The following CMSS1 variants were observed in gnomAD, a reference collection of about 807,000 sequenced individuals.
The protein encoded by CMSS1 is cms1 ribosomal small subunit homolog, also known as protein CMSS1.
A neutral mutation model predicts 43.5 loss-of-function variants in CMSS1; 33 were observed. That is an observed-to-expected ratio of 0.76 (90% confidence interval 0.57 to 1.01). CMSS1 has a LOEUF of 1.01. Ranked by LOEUF, CMSS1 falls within the 50% of genes least tolerant of loss-of-function variation. The pLI, the probability that CMSS1 is intolerant of heterozygous loss-of-function variation, is 0.00. For synonymous variants in CMSS1, 115 were observed against 117.2 expected, an observed-to-expected ratio of 0.98 and a Z score of 0.12; for missense variants, 313 against 326.4, an observed-to-expected ratio of 0.96 and a Z score of 0.32.
chr3:100,039,063 C>T (rs572639311), intron 1 of CMSS1, among the ~76,000 whole-genome samples: 1 of 152,250 alleles, frequency 6.6e-6, no homozygotes, highest in African/African-American at 2.4e-5. Flanking sequence ...GTTGGAAAAA[C>T]TCCTAAATTT....
chr3:99,989,161 A>G (rs1422632883), intron 1 of CMSS1, among the ~76,000 whole-genome samples: 2 of 152,232 alleles, frequency 1.3e-5, no homozygotes, highest in Non-Finnish European at 2.9e-5. Context: ...TGACATGGGT[A>G]TTATAATTTT....
At chr3:100,032,084 A>C (rs555280960) in intron 1 of CMSS1, among the ~76,000 whole-genome samples, 1 of 152,350 alleles carries the variant, frequency 6.6e-6, no homozygotes, top group African/African-American at 2.4e-5. Context: ...CTAGCCCATT[A>C]GCCATAGTTT....
chr3:99,955,696 T>C (rs938230282), intron 1 of CMSS1, among the ~76,000 whole-genome samples: 3 of 152,226 alleles, frequency 2.0e-5, no homozygotes, highest in African/African-American at 7.2e-5. Context: ...GCATTGATGA[T>C]GAAGATCCTT....
chr3:100,044,911 A>G (rs997082317), intron 1 of CMSS1, among the ~76,000 whole-genome samples: 1 of 152,212 alleles, frequency 6.6e-6, no homozygotes, highest in Non-Finnish European at 1.5e-5. Flanking sequence ...ATTGCAGAAT[A>G]GTAGTGTCTC....
chr3:99,972,498 A>G (rs1330654886), intron 1 of CMSS1, among the ~76,000 whole-genome samples: 1 of 152,218 alleles, frequency 6.6e-6, no homozygotes, highest in African/African-American at 2.4e-5. Flanking sequence ...TATTATAATA[A>G]TAACAGATTG....
intron 1 of CMSS1, among the ~76,000 whole-genome samples, chr3:100,043,614 C>A (rs748633434): frequency 2.9e-4 from 44 of 152,128 alleles, no homozygotes; most frequent in Non-Finnish European, 5.7e-4. Context: ...GACATGGAGA[C>A]TTGAGAAATT....
At chr3:99,942,230 C>T (rs1433823862) in intron 1 of CMSS1, among the ~76,000 whole-genome samples, 3 of 151,478 alleles carry the variant, frequency 2.0e-5, no homozygotes, top group South Asian at 2.1e-4. Context: ...TACTGTTAAT[C>T]TTATTAGATG....
rs1326472403 is a variant in CMSS1, at chr3:99,977,898, A to G, written c.64+159855A>G. 3.3e-5 allele frequency among the ~76,000 whole-genome samples: 5 copies of G among 152,296 alleles called. No individual in the cohort carries two copies. In the East Asian group the frequency reaches 5.8e-4, roughly 18 times the overall value. ...CCAGTTCAAAGCACATAATATGCAT[A>G]TATACACCATTAACCTAAAAGAAAA... On this transcript the variant is annotated intron_variant, in intron 1 of 9. Transcript: ENST00000421999.
chr3:99,844,531 C>T (rs894584176), intron 1 of CMSS1, among the ~76,000 whole-genome samples: 6 of 152,298 alleles, frequency 3.9e-5, no homozygotes, highest in African/African-American at 1.4e-4. Context: ...AGGAGACTCA[C>T]TTTGTAAATA....
intron 1 of CMSS1, among the ~76,000 whole-genome samples, chr3:99,950,698 C>T (rs1708150598): frequency 6.6e-6 from 1 of 152,176 alleles, no homozygotes; most frequent in Non-Finnish European, 1.5e-5. Context: ...CCACGATTCT[C>T]TTTACACGTT....
intron 1 of CMSS1, among the ~76,000 whole-genome samples, chr3:100,104,113 G>A (rs2066355199): frequency 6.6e-6 from 1 of 152,184 alleles, no homozygotes; most frequent in Admixed American, 6.5e-5. Flanking sequence ...TGCTCTCTGT[G>A]TGTGTTTGGA....
intron 1 of CMSS1, among the ~76,000 whole-genome samples, chr3:100,022,040 T>C (rs2064835559): frequency 6.6e-6 from 1 of 151,664 alleles, no homozygotes. Context: ...CATTTCCTTT[T>C]TCCATAAAGC....
rs116080879 is a variant in CMSS1 at position 100,047,281 on chromosome 3, A to G, written c.65-99692A>G. Among the ~76,000 whole-genome samples, 431 of 152,330 alleles carry G rather than the reference A, an allele frequency of 2.8e-3. 1 individual carries two copies. Among genetic ancestry groups the G allele is most frequent in the African/African-American group, 9.2e-3 (381 of 41,582 alleles). On this transcript the variant is annotated intron_variant, in intron 1 of 9. Transcript: ENST00000421999. ...TATATCTTTAAACATTTTTAGAAGA[A>G]AAAAAGGTTTTGAATTCCTTGAAGA...
In CMSS1 at chr3:100,171,870, G is replaced by T; in HGVS notation, c.550G>T (p.Val184Phe). The T allele has an allele frequency of 1.2e-6, 2 of 1,613,936 alleles. No individual in the cohort carries two copies. The highest frequency in any genetic ancestry group is 4.5e-5 in the East Asian group (2 of 44,868). ...SMTAFRGDGK[V>F]IKLFAKHIKV... ...GACAGCATTCAGAGGAGACGGCAAAGTTATAAAATTATTTGCAAAGCACAT... is the reference window on the plus strand; with the variant it reads ...GACAGCATTCAGAGGAGACGGCAAATTTATAAAATTATTTGCAAAGCACAT... The change falls in exon 7 of 10, where the codon GTT (valine) becomes TTT (phenylalanine). Residue 184 changes from valine to phenylalanine, a missense_variant. By Grantham distance (50) the Val-to-Phe change is conservative. Transcript: ENST00000421999.
rs558855699 is a variant in CMSS1 at position 99,886,413 on chromosome 3, G to GA, written c.64+68381dup. ...ACTTAACACTAATGATACCTGATGA[G>GA]AAAAAAAAAAATCGGAAAAAAAAAA... On this transcript the variant is annotated intron_variant, in intron 1 of 9. Transcript: ENST00000421999. Among the ~76,000 whole-genome samples, 616 of 142,626 alleles carry GA rather than the reference G, an allele frequency of 4.3e-3. 1 individual carries two copies. The highest frequency in any genetic ancestry group is 0.01 in the South Asian group (47 of 4,534). The allele number at this position is 142,626 out of a possible 152,430, so 93.6% of individuals were successfully genotyped here. A position where few individuals can be genotyped will look rare whatever the true frequency, so the allele number is the denominator to read the frequency against.
intron 1 of CMSS1, among the ~76,000 whole-genome samples, chr3:99,844,319 G>A (rs1943266567): frequency 6.6e-6 from 1 of 152,146 alleles, no homozygotes; most frequent in Non-Finnish European, 1.5e-5. Flanking sequence ...TCTCACACAG[G>A]TATCTTGGAT....
intron 1 of CMSS1, among the ~76,000 whole-genome samples, chr3:100,030,413 T>A (rs1271444492): frequency 6.6e-6 from 1 of 152,192 alleles, no homozygotes; most frequent in Non-Finnish European, 1.5e-5. Flanking sequence ...ACTCTAATTG[T>A]AATGAGTATT....
chr3:100,005,073 A>G (rs1709950367), intron 1 of CMSS1, among the ~76,000 whole-genome samples: 1 of 152,244 alleles, frequency 6.6e-6, no homozygotes. Flanking sequence ...CCAGAAAGCC[A>G]GTAAAGGTTC....
chr3:99,989,788 T>C (rs1393874581), intron 1 of CMSS1, among the ~76,000 whole-genome samples: 3 of 152,020 alleles, frequency 2.0e-5, no homozygotes, highest in Non-Finnish European at 4.4e-5. Flanking sequence ...AAGTTAGATA[T>C]TGATTTGATA....
Sources: allele counts gnomAD v4.1 joint callset (sites outside exome capture counted in the v4.1 genomes callset), GRCh38; gene constraint gnomAD v4.1.1; transcripts MANE v1.5; gene names NCBI Gene and HGNC (gene_info 2026-07-23, HGNC 2026-07-21).